ZNF469: variants seen among roughly 807,000 people sequenced by gnomAD.
ZNF469 encodes the protein zinc finger protein 469.
A neutral mutation model predicts 1.0 loss-of-function variants in ZNF469; 1 was observed. That is an observed-to-expected ratio of 1.00 (90% CI 0.35 to 4.73). The LOEUF (loss-of-function observed/expected upper bound fraction) is 4.73. ZNF469 is among the 30% of genes most tolerant of loss of function. The probability of loss-of-function intolerance (pLI) is 0.16; values close to 1 mark genes in which losing one functional copy is unlikely to be tolerated. For synonymous variants in ZNF469, 2,703 were observed against 2,363.4 expected (o/e 1.14, Z -4.17); for missense variants, 6,100 against 5,356.3 (o/e 1.14, Z -4.33).
At chr16:88,350,816 G>C in the ZNF469 span, among the ~76,000 whole-genome samples, 171 of 152,318 alleles carry the variant, frequency 1.1e-3, no homozygotes, top group Middle Eastern at 0.01. Flanking sequence ...AGCAATGCAG[G>C]CCTCTAGAAT....
the ZNF469 span, among the ~76,000 whole-genome samples, chr16:88,120,816 C>G: frequency 6.6e-6 from 1 of 152,188 alleles, no homozygotes; most frequent in Non-Finnish European, 1.5e-5. Flanking sequence ...GGAGGAGACG[C>G]CCGTGTCGAG....
chr16:88,409,018 G>T (rs909372102), intron 1 of ZNF469, among the ~76,000 whole-genome samples: 1 of 152,244 alleles, frequency 6.6e-6, no homozygotes, highest in African/African-American at 2.4e-5. Flanking sequence ...CCAGCAGGGG[G>T]GCCCTCCCTA....
the ZNF469 span, among the ~76,000 whole-genome samples, chr16:88,292,368 T>C: frequency 6.6e-6 from 1 of 152,046 alleles, no homozygotes; most frequent in African/African-American, 2.4e-5. Context: ...AGGGCCTGAG[T>C]GTGAGTCCCT....
At chr16:88,225,594 G>GA in the ZNF469 span, among the ~76,000 whole-genome samples, 1 of 151,938 alleles carries the variant, frequency 6.6e-6, no homozygotes, top group Non-Finnish European at 1.5e-5. Flanking sequence ...TGTGTCTGTG[G>GA]CCCCCAAATG....
chr16:88,366,456 TATC>T, the ZNF469 span, among the ~76,000 whole-genome samples: 2 of 115,670 alleles, frequency 1.7e-5, no homozygotes, highest in South Asian at 2.8e-4. Context: ...TCATCACCAC[TATC>T]ATCATCACCA....
At chr16:88,332,715 G>C in the ZNF469 span, among the ~76,000 whole-genome samples, 1 of 152,220 alleles carries the variant, frequency 6.6e-6, no homozygotes, top group Admixed American at 6.5e-5. Flanking sequence ...GGCAGGATGG[G>C]GGAGGGGGGG....
chr16:88,282,129 G>A, the ZNF469 span, among the ~76,000 whole-genome samples: 22 of 152,290 alleles, frequency 1.4e-4, no homozygotes, highest in African/African-American at 4.1e-4. Flanking sequence ...ATGTAATCTC[G>A]ACATTCCAGC....
the ZNF469 span, among the ~76,000 whole-genome samples, chr16:88,214,088 C>G: frequency 6.6e-6 from 1 of 152,186 alleles, no homozygotes; most frequent in Non-Finnish European, 1.5e-5. Context: ...AACCCCTGTC[C>G]TCTCTTCGCT....
At chr16:88,231,581 T>C in the ZNF469 span, among the ~76,000 whole-genome samples, 1 of 152,122 alleles carries the variant, frequency 6.6e-6, no homozygotes, top group African/African-American at 2.4e-5. The surrounding 1 kb of genome is among the most constrained non-coding windows in gnomAD (Gnocchi z 4.5). Flanking sequence ...TTCTTACCTT[T>C]GTGGCCTCTG....
the ZNF469 span, among the ~76,000 whole-genome samples, chr16:88,218,712 C>T: frequency 3.3e-5 from 5 of 151,816 alleles, no homozygotes; most frequent in Non-Finnish European, 1.5e-5. Flanking sequence ...TGGCACAAGA[C>T]AGGGATGCCC....
the ZNF469 span, among the ~76,000 whole-genome samples, chr16:88,131,848 G>T: frequency 6.6e-6 from 1 of 152,192 alleles, no homozygotes; most frequent in Non-Finnish European, 1.5e-5. Flanking sequence ...GTGACCTCCT[G>T]GTGGGGAATT....
chr16:88,380,616 C>G (rs1280516817), upstream of ZNF469, among the ~76,000 whole-genome samples: 1 of 149,148 alleles, frequency 6.7e-6, no homozygotes, highest in Non-Finnish European at 1.5e-5. Context: ...CACACGCACA[C>G]ACCCAGACAT....
At chr16:88,253,394 G>C in the ZNF469 span, among the ~76,000 whole-genome samples, 4 of 151,954 alleles carry the variant, frequency 2.6e-5, no homozygotes, top group African/African-American at 9.7e-5. Flanking sequence ...CTTTTAGTGA[G>C]CGTGAGGCTG....
At chr16:88,370,725 G>C in the ZNF469 span, among the ~76,000 whole-genome samples, 1 of 152,216 alleles carries the variant, frequency 6.6e-6, no homozygotes, top group Admixed American at 6.5e-5. Context: ...TCAGCTTGGA[G>C]ACCAGAAGTC....
the ZNF469 span, among the ~76,000 whole-genome samples, chr16:88,146,668 T>TG: frequency 4.6e-5 from 7 of 151,796 alleles, no homozygotes; most frequent in Admixed American, 6.5e-5. Flanking sequence ...TGTGCATTTG[T>TG]GGGGGGGCAT....
chr16:88,306,697 C>A, the ZNF469 span, among the ~76,000 whole-genome samples: 11 of 152,286 alleles, frequency 7.2e-5, no homozygotes, highest in East Asian at 1.7e-3. Flanking sequence ...ACAGGGCAAC[C>A]CAGGACCCTG....
At chr16:88,271,793 G>A in the ZNF469 span, among the ~76,000 whole-genome samples, 64,044 of 151,030 alleles carry the variant, frequency 0.42, 13,958 homozygotes, top group African/African-American at 0.52. Flanking sequence ...GATTCTAGAC[G>A]TGGCAGGGCT....
At chr16:88,167,341 C>A in the ZNF469 span, among the ~76,000 whole-genome samples, 71 of 152,190 alleles carry the variant, frequency 4.7e-4, no homozygotes, top group African/African-American at 1.7e-3. Context: ...GGATTACAGG[C>A]GTGAGCCACC....
chr16:88,202,601 A>G, the ZNF469 span, among the ~76,000 whole-genome samples: 3 of 152,304 alleles, frequency 2.0e-5, no homozygotes, highest in South Asian at 4.1e-4. Flanking sequence ...GGTCCAGGGC[A>G]TCTCAGAACC....
Sources: gnomAD v4.1 joint callset for allele counts (sites outside exome capture counted in the v4.1 genomes callset) on GRCh38, gnomAD v4.1.1 for gene constraint, Gnocchi (gnomAD v3.1) non-coding constraint, MANE v1.5 for transcripts, NCBI Gene and HGNC (gene_info 2026-07-23, HGNC 2026-07-21) for gene names.